Variants in RASGRF1 observed in about 807,000 individuals in gnomAD.
The protein encoded by RASGRF1 is Ras protein specific guanine nucleotide releasing factor 1.
A neutral mutation model predicts 138.7 loss-of-function variants in RASGRF1; 40 were observed. That is an observed-to-expected ratio of 0.29 (90% CI 0.22 to 0.38). The LOEUF is 0.38. RASGRF1 is among the 10% of genes least tolerant of loss of function. The pLI, the probability that RASGRF1 is intolerant of heterozygous loss-of-function variation, is 1.00. For missense variants in RASGRF1, 1,108 were observed against 1,650.4 expected (o/e 0.67, Z 5.69); for synonymous variants, 614 against 663.2 (o/e 0.93, Z 1.14).
At chr15:79,053,722 G>A (rs779266108) in intron 3 of RASGRF1, among the ~76,000 whole-genome samples, 3 of 152,226 alleles carry the variant, frequency 2.0e-5, no homozygotes, top group Admixed American at 6.5e-5. Flanking sequence ...TGGGGTGGGT[G>A]CCACAGGATG....
intron 14 of RASGRF1, among the ~76,000 whole-genome samples, chr15:79,004,412 C>A (rs569929549): frequency 6.6e-6 from 1 of 152,088 alleles, no homozygotes; most frequent in Admixed American, 6.6e-5. Flanking sequence ...TATGCTCCGC[C>A]CCCCCACCCC....
chr15:79,020,365 C>T (rs1249329151), intron 10 of RASGRF1, among the ~76,000 whole-genome samples: 2 of 152,202 alleles, frequency 1.3e-5, no homozygotes, highest in African/African-American at 4.8e-5. Context: ...GAGTTCTGGC[C>T]ATGGGTGGAG....
chr15:79,079,596 A>G (rs1350577944), intron 1 of RASGRF1, among the ~76,000 whole-genome samples: 9 of 152,216 alleles, frequency 5.9e-5, no homozygotes, highest in Non-Finnish European at 1.3e-4. Context: ...GTTACCATTT[A>G]TATAATTATA....
rs1294643788 is a variant in RASGRF1 at position 79,032,050 on chromosome 15, C to A, written c.1152+73G>T. ...GAGCTGGGGTGCGTTAAGCACTGTG[C>A]CCCCACCGCCATGGTCCATCCCCCA... is the stretch of plus-strand genomic sequence containing the variant. On this transcript the variant is annotated intron_variant, in intron 7 of 26. Coordinates refer to ENST00000558480, the MANE Select transcript of RASGRF1 (RefSeq NM_001145648.3). This position sits in a 1 kb window ranked among gnomAD's most constrained non-coding sequence, Gnocchi z 4.5. The A allele has an allele frequency of 7.3e-6, 11 of 1,505,586 alleles. No individual in the cohort carries two copies. Among genetic ancestry groups the A allele is most frequent in the East Asian group, 2.4e-5 (1 of 42,026 alleles). The allele number at this position is 1,505,586 out of a possible 1,614,324, so 93.3% of individuals were successfully genotyped here.
At chr15:78,976,553 C>T (rs1044484555) in intron 24 of RASGRF1, among the ~76,000 whole-genome samples, 7 of 148,702 alleles carry the variant, frequency 4.7e-5, no homozygotes, top group African/African-American at 1.8e-4. Flanking sequence ...AGAGAACACT[C>T]AATCAAACAC....
chr15:79,076,118 G>A lies in RASGRF1; in HGVS notation c.277-11592C>T, dbSNP rs115775207. Among the ~76,000 whole-genome samples the A allele has an allele frequency of 5.2e-3, 797 of 152,296 alleles. 9 individuals carry two copies. Among genetic ancestry groups the A allele is most frequent in the African/African-American group, 0.018 (755 of 41,554 alleles). On this transcript the variant is annotated intron_variant, in intron 1 of 26. Coordinates refer to ENST00000558480, the MANE Select transcript of RASGRF1 (RefSeq NM_001145648.3). Reference sequence around the variant, plus strand: ...AAGCTGCTGGGGGCTCCCAGATAGCGCCCCATCCTGTGCCATCAAGGCCAT... The same window carrying A: ...AAGCTGCTGGGGGCTCCCAGATAGCACCCCATCCTGTGCCATCAAGGCCAT...
At chr15:78,992,914 G>A (rs992216105) in intron 20 of RASGRF1, among the ~76,000 whole-genome samples, 17 of 152,332 alleles carry the variant, frequency 1.1e-4, no homozygotes, top group African/African-American at 3.6e-4. Flanking sequence ...AGAAAGGCAG[G>A]AAACACGGTT....
chr15:78,978,778 G>GT, intron 24 of RASGRF1: 1 of 1,121,942 alleles, frequency 8.9e-7, no homozygotes, highest in Non-Finnish European at 1.1e-6. Flanking sequence ...TTTGCCCCAG[G>GT]TTTCCCCAGT....
intron 26 of RASGRF1, among the ~76,000 whole-genome samples, chr15:78,970,335 A>G (rs1315033977): frequency 1.3e-5 from 2 of 152,180 alleles, no homozygotes; most frequent in African/African-American, 4.8e-5. Context: ...AGCCTGACCA[A>G]TATGGTGAAA....
At chr15:79,025,199 T>C (rs2057029297) in intron 10 of RASGRF1, 115 bp downstream of exon 10, 4 of 1,214,734 alleles carry the variant, frequency 3.3e-6, no homozygotes, top group Admixed American at 2.6e-5. Context: ...TGTGTGTGCA[T>C]GCACACGTCT....
intron 11 of RASGRF1, among the ~76,000 whole-genome samples, chr15:79,019,393 C>A (rs921223793): frequency 6.6e-6 from 1 of 152,166 alleles, no homozygotes; most frequent in Admixed American, 6.5e-5. Flanking sequence ...GAGATAAATC[C>A]CATCAAACAT....
chr15:79,087,907 C>G (rs1412678834), intron 1 of RASGRF1, among the ~76,000 whole-genome samples: 1 of 152,220 alleles, frequency 6.6e-6, no homozygotes, highest in Admixed American at 6.5e-5. Flanking sequence ...CTACTTTTAA[C>G]CCGGTTCTGT....
chr15:79,068,473 A>G (rs906753377), intron 1 of RASGRF1, among the ~76,000 whole-genome samples: 9 of 116,332 alleles, frequency 7.7e-5, no homozygotes, highest in African/African-American at 2.6e-4. Context: ...TTTTGAGCCT[A>G]TATATATATA....
At chr15:79,003,660 C>T in intron 15 of RASGRF1, 142 bp downstream of exon 15, 1 of 1,320,916 alleles carries the variant, frequency 7.6e-7, no homozygotes, top group South Asian at 1.5e-5. Flanking sequence ...GCTGCCTCCA[C>T]TATCTGCCTG....
chr15:78,991,888 G>C (rs2056276125), intron 20 of RASGRF1, 94 bp from the exon 21 acceptor site: 1 of 941,730 alleles, frequency 1.1e-6, no homozygotes, highest in East Asian at 2.5e-5. Context: ...TCTCGCCCTC[G>C]AATTGGGTGG....
chr15:79,082,563 G>A (rs577457694), intron 1 of RASGRF1, among the ~76,000 whole-genome samples: 7 of 152,316 alleles, frequency 4.6e-5, no homozygotes, highest in Non-Finnish European at 7.4e-5. Context: ...TACCCTGACC[G>A]ACACACCAGT....
intron 13 of RASGRF1, among the ~76,000 whole-genome samples, chr15:79,013,423 T>G (rs1190685648): frequency 1.3e-5 from 2 of 152,214 alleles, no homozygotes; most frequent in Non-Finnish European, 2.9e-5. Context: ...TGGCACACAG[T>G]AGGTTCATAA....
Position 78,980,372 on chromosome 15 carries a change from T to C in RASGRF1, c.3494+248A>G, listed in dbSNP as rs8029376. 3.2e-3 allele frequency: 1,170 copies of C among 370,046 alleles called. 10 individuals are homozygous for C. Among genetic ancestry groups the C allele is most frequent in the African/African-American group, 0.022 (1,098 of 49,718 alleles). The allele number at this position is 370,046 out of a possible 1,614,324, so 22.9% of individuals were successfully genotyped here. A position where few individuals can be genotyped will look rare whatever the true frequency, so the allele number is the denominator to read the frequency against. On this transcript the variant is annotated intron_variant, in intron 24 of 26. Coordinates refer to ENST00000558480, the MANE Select transcript of RASGRF1 (RefSeq NM_001145648.3). The stretch of plus-strand genomic sequence containing the variant: ...CCACTACTATTATCATCACAGCTAC[T>C]ATGCTTTCAGGGATCCCAGCAGTAT...
rs1055864007 is a variant in RASGRF1, at chr15:79,032,547, G to A, written c.959-231C>T. ...ATTAGAATCACAGACTCTTAGAGAC[G>A]TGGGGCCCTGTCTAGTCGACACTTG... is the stretch of plus-strand genomic sequence containing the variant. On this transcript the variant is annotated intron_variant, in intron 6 of 26. Coordinates refer to ENST00000558480, the MANE Select transcript of RASGRF1 (RefSeq NM_001145648.3). This position sits in a 1 kb window ranked among gnomAD's most constrained non-coding sequence, Gnocchi z 4.5. Among the ~76,000 whole-genome samples, 1 of 152,186 alleles carries A rather than the reference G, an allele frequency of 6.6e-6. No individual in the cohort carries two copies. The highest frequency in any genetic ancestry group is 2.1e-4 in the South Asian group (1 of 4,830).
Sources: allele counts gnomAD v4.1 joint callset (sites outside exome capture counted in the v4.1 genomes callset), GRCh38; gene constraint gnomAD v4.1.1; non-coding constraint Gnocchi (gnomAD v3.1); transcripts MANE v1.5; gene names NCBI Gene and HGNC (gene_info 2026-07-23, HGNC 2026-07-21).